MLLT10: variants seen among roughly 807,000 people sequenced by gnomAD.
MLLT10 encodes protein AF-10.
In MLLT10, 30 loss-of-function variants were observed where a neutral mutation model predicts 129.1. The ratio of observed to expected loss-of-function variants is 0.23; its 90% CI spans 0.17 to 0.32. The LOEUF (loss-of-function observed/expected upper bound fraction) is 0.32, where lower values mean the gene tolerates loss of function less well. MLLT10 is among the 10% of genes least tolerant of loss of function. The pLI is 1.00. For missense variants in MLLT10, 1,119 were observed against 1,268.3 expected (o/e 0.88, Z 1.79); for synonymous variants, 490 against 446.4 (o/e 1.10, Z -1.23).
At chr10:21,621,045 C>T (rs1003647420) in intron 8 of MLLT10, among the ~76,000 whole-genome samples, 1 of 151,286 alleles carries the variant, frequency 6.6e-6, no homozygotes, top group Non-Finnish European at 1.5e-5. Flanking sequence ...AGTGCAGTGG[C>T]GCAATCTCGG....
chr10:21,571,070 C>T (rs1354523274), intron 3 of MLLT10, among the ~76,000 whole-genome samples: 1 of 152,008 alleles, frequency 6.6e-6, no homozygotes, highest in African/African-American at 2.4e-5. Flanking sequence ...TAATTTTTTC[C>T]TCCTTCTGAA....
chr10:21,677,854 A>T (rs1208364407), intron 11 of MLLT10, among the ~76,000 whole-genome samples: 2 of 152,190 alleles, frequency 1.3e-5, no homozygotes, highest in African/African-American at 4.8e-5. Flanking sequence ...TTAAACTATA[A>T]CATTCACTAT....
intron 14 of MLLT10, among the ~76,000 whole-genome samples, chr10:21,717,426 A>G (rs1225868780): frequency 6.6e-6 from 1 of 151,058 alleles, no homozygotes; most frequent in African/African-American, 2.4e-5. Flanking sequence ...GTCTGATAGC[A>G]GCATACATTT....
At chr10:21,651,039 GTTGTTTTGTTTTGTT>G (rs57639142) in intron 8 of MLLT10, among the ~76,000 whole-genome samples, 2,116 of 148,532 alleles carry the variant, frequency 0.014, 20 homozygotes, top group African/African-American at 0.013. Flanking sequence ...TGGTGGTTGT[GTTGTTTTGTTTTGTT>G]TTGTTTTGTT....
At chr10:21,706,557 A>G (rs1315845516) in intron 13 of MLLT10, among the ~76,000 whole-genome samples, 1 of 152,252 alleles carries the variant, frequency 6.6e-6, no homozygotes, top group Non-Finnish European at 1.5e-5. Context: ...GATAACTTAC[A>G]GGCTTAATTA....
intron 9 of MLLT10, among the ~76,000 whole-genome samples, chr10:21,663,414 T>C (rs1034114785): frequency 3.3e-5 from 5 of 151,986 alleles, no homozygotes; most frequent in Non-Finnish European, 5.9e-5. Context: ...TTCACTCCTG[T>C]TGCCCAGGCT....
At chr10:21,665,182 G>A (rs2050643101) in intron 9 of MLLT10, among the ~76,000 whole-genome samples, 2 of 151,780 alleles carry the variant, frequency 1.3e-5, no homozygotes. Flanking sequence ...TTGGCCTCAA[G>A]TGATCCACCT....
At chr10:21,725,420 T>C (rs2057412143) in intron 14 of MLLT10, among the ~76,000 whole-genome samples, 1 of 152,200 alleles carries the variant, frequency 6.6e-6, no homozygotes, top group Non-Finnish European at 1.5e-5. Flanking sequence ...TCTTCTTTTT[T>C]AAAAATTTGT....
At chr10:21,710,115 A>G (rs1004377995) in intron 13 of MLLT10, among the ~76,000 whole-genome samples, 2 of 152,042 alleles carry the variant, frequency 1.3e-5, no homozygotes, top group African/African-American at 2.4e-5. Context: ...TTTGTGATCT[A>G]TTTTTGTTTG....
intron 3 of MLLT10, among the ~76,000 whole-genome samples, chr10:21,549,005 C>T (rs941645520): frequency 1.1e-4 from 16 of 152,030 alleles, no homozygotes; most frequent in Non-Finnish European, 2.1e-4. Flanking sequence ...GATTCCTGTT[C>T]CTCTACCATG....
intron 4 of MLLT10, among the ~76,000 whole-genome samples, chr10:21,588,417 G>T (rs1261081778): frequency 1.3e-5 from 2 of 151,894 alleles, no homozygotes; most frequent in Non-Finnish European, 2.9e-5. Context: ...TTTTAACCAT[G>T]TTATCTAATA....
intron 13 of MLLT10, among the ~76,000 whole-genome samples, chr10:21,711,193 CG>C (rs921971288): frequency 6.6e-6 from 1 of 151,884 alleles, no homozygotes; most frequent in African/African-American, 2.4e-5. Context: ...GAGGCCGAGA[CG>C]GGCAGATCAC....
chr10:21,683,201 G>A (rs1489455355), intron 13 of MLLT10, among the ~76,000 whole-genome samples: 1 of 152,138 alleles, frequency 6.6e-6, no homozygotes, highest in Non-Finnish European at 1.5e-5. Context: ...TGCCTTAAGG[G>A]TAGGGGTCGT....
chr10:21,566,042 T>G (rs1015086962), intron 3 of MLLT10, among the ~76,000 whole-genome samples: 18 of 135,904 alleles, frequency 1.3e-4, no homozygotes, highest in African/African-American at 5.0e-4. Context: ...ACCCTCCACC[T>G]AGTGGGTTCA....
intron 3 of MLLT10, among the ~76,000 whole-genome samples, chr10:21,575,837 T>C (rs564244545): frequency 4.7e-4 from 71 of 152,308 alleles, no homozygotes; most frequent in African/African-American, 1.6e-3. Flanking sequence ...TTATAATTAT[T>C]ATGACTTCTT....
chr10:21,717,554 TTCTTCTTTCTTCCTCTTCC>T (rs1186657131), intron 14 of MLLT10, among the ~76,000 whole-genome samples: 48 of 106,614 alleles, frequency 4.5e-4, no homozygotes, highest in Admixed American at 6.0e-4. Flanking sequence ...TTCTTCTTTC[TTCTTCTTTCTTCCTCTTCC>T]TCTTCTTTCT....
intron 3 of MLLT10, among the ~76,000 whole-genome samples, chr10:21,569,668 G>C (rs553643984): frequency 2.8e-4 from 42 of 151,680 alleles, no homozygotes; most frequent in African/African-American, 9.9e-4. Context: ...TGATCTGCCC[G>C]CCTCAGGCTC....
At position 21,535,573 on chromosome 10, in the gene MLLT10, G is replaced by C. The variant is rs1296034596; in HGVS notation, c.160+769G>C. Among the ~76,000 whole-genome samples, 8 of 152,214 alleles carry C rather than the reference G, an allele frequency of 5.3e-5. No homozygotes were observed. In the East Asian group the frequency reaches 1.5e-3, roughly 29 times the overall value. On this transcript the variant is annotated intron_variant, in intron 2 of 22. Coordinates refer to ENST00000307729, the MANE Select transcript of MLLT10 (RefSeq NM_001195626.3). ...AGTTTATTTCTGGTTGTTAACAATT[G>C]ATGAGGTTTTTGGATATACAAGAAG...
chr10:21,567,131 C>G (rs527764764), intron 3 of MLLT10, among the ~76,000 whole-genome samples: 1 of 152,064 alleles, frequency 6.6e-6, no homozygotes, highest in East Asian at 1.9e-4. Context: ...TTTTTGGTAT[C>G]ACAAATAACT....
Sources: allele counts gnomAD v4.1 joint callset (sites outside exome capture counted in the v4.1 genomes callset), GRCh38; gene constraint gnomAD v4.1.1; transcripts MANE v1.5; gene names NCBI Gene and HGNC (gene_info 2026-07-23, HGNC 2026-07-21).